The following DSE variants were observed in gnomAD, a reference collection of about 807,000 sequenced individuals.
DSE encodes the protein dermatan-sulfate epimerase.
In DSE, 36 loss-of-function variants were observed where a neutral mutation model predicts 84.4. The ratio of observed to expected loss-of-function variants is 0.43; its 90% CI spans 0.33 to 0.56. DSE has a LOEUF of 0.56. Among genes scored for constraint, DSE ranks in the 20% least tolerant of loss-of-function variants. DSE has a pLI of 0.06. For synonymous variants in DSE, 410 were observed against 430.1 expected (o/e 0.95, Z 0.58); for missense variants, 862 against 1,169.6 (o/e 0.74, Z 3.84).
chr6:116,392,261 T>A (rs1780957563), intron 1 of DSE, among the ~76,000 whole-genome samples: 1 of 152,172 alleles, frequency 6.6e-6, no homozygotes, highest in African/African-American at 2.4e-5. Context: ...AATGGAGGCC[T>A]GAAGGAGGAG....
intron 2 of DSE, among the ~76,000 whole-genome samples, chr6:116,425,176 GTATTAT>G (rs967032172): frequency 1.7e-4 from 26 of 152,238 alleles, no homozygotes; most frequent in African/African-American, 6.3e-4. Context: ...AAAAAAGCCT[GTATTAT>G]TATTTTTTAA....
At chr6:116,293,293 C>A (rs1389729851) in intron 2 of DSE, among the ~76,000 whole-genome samples, 4 of 119,518 alleles carry the variant, frequency 3.3e-5, no homozygotes, top group African/African-American at 1.4e-4. Context: ...TTTTTTTTGA[C>A]ACGGAGTCTT....
intron 1 of DSE, among the ~76,000 whole-genome samples, chr6:116,383,605 T>C (rs1780384056): frequency 6.6e-6 from 1 of 152,222 alleles, no homozygotes; most frequent in African/African-American, 2.4e-5. Flanking sequence ...CTCGGAGTTT[T>C]TAATTTTTTT....
intron 2 of DSE, chr6:116,280,353 T>A: frequency 5.1e-6 from 1 of 196,194 alleles, no homozygotes; most frequent in East Asian, 1.2e-4. Flanking sequence ...TTAGTAAAAG[T>A]GACATAAAAA....
chr6:116,279,872 C>A, intron 2 of DSE: 2 of 1,612,984 alleles, frequency 1.2e-6, no homozygotes, highest in Non-Finnish European at 1.7e-6. Flanking sequence ...CGCCCGTTTT[C>A]CTCAGAGGCC....
intron 2 of DSE, among the ~76,000 whole-genome samples, chr6:116,297,921 C>T (rs1774770389): frequency 6.6e-6 from 1 of 152,160 alleles, no homozygotes. Flanking sequence ...TAATGACTAA[C>T]CATCATGGTT....
At chr6:116,297,215 C>T (rs902117929) in intron 2 of DSE, among the ~76,000 whole-genome samples, 1 of 152,068 alleles carries the variant, frequency 6.6e-6, no homozygotes, top group Non-Finnish European at 1.5e-5. Flanking sequence ...TAGCCAAAGT[C>T]AACCCTAGGA....
chr6:116,441,959 G>A lies in DSE; in HGVS notation c.*4614G>A, dbSNP rs900092549. The stretch of plus-strand genomic sequence containing the variant: ...GGGAGCAAATAATAACAGTAATAGT[G>A]CAGGATGTCAAGTAGTGGTAAGTAC... On this transcript the variant is annotated 3_prime_UTR_variant, in exon 6 of 6. Transcript: ENST00000644252. 6.6e-6 allele frequency: 1 copy of A among 152,258 alleles called. No homozygotes were observed. The highest frequency in any genetic ancestry group is 6.5e-5 in the Admixed American group (1 of 15,274). 9.4% of individuals were successfully genotyped at this position (152,258 alleles called of 1,614,324 possible).
In DSE at chr6:116,273,007, A is replaced by G. The variant is rs186612634; in HGVS notation, c.-54+14040A>G. Among the ~76,000 whole-genome samples the G allele has an allele frequency of 5.6e-3, 853 of 152,332 alleles. 6 individuals are homozygous for G. Among genetic ancestry groups the G allele is most frequent in the Non-Finnish European group, 9.0e-3 (612 of 68,032 alleles). ...TTGTTATCTTCTCTGTAACCTTATAATGCAGTCTCCAAATGCATCCTAAAA... is the reference window on the plus strand; with the variant it reads ...TTGTTATCTTCTCTGTAACCTTATAGTGCAGTCTCCAAATGCATCCTAAAA... On this transcript the variant is annotated intron_variant, in intron 2 of 3. Coordinates refer to the DSE transcript ENST00000430252.
chr6:116,297,080 G>A (rs1350098703), intron 2 of DSE, among the ~76,000 whole-genome samples: 2 of 152,116 alleles, frequency 1.3e-5, no homozygotes, highest in Admixed American at 1.3e-4. Context: ...ATTTGGGTAG[G>A]CAAAGTATAG....
chr6:116,370,852 G>A, upstream of DSE: 1 of 985,618 alleles, frequency 1.0e-6, no homozygotes. Flanking sequence ...TGACGTTGCG[G>A]TTTCCTCCCC....
intron 2 of DSE, among the ~76,000 whole-genome samples, chr6:116,299,010 T>C (rs1412389519): frequency 6.6e-6 from 1 of 152,240 alleles, no homozygotes; most frequent in Non-Finnish European, 1.5e-5. Flanking sequence ...TTTCTAGCTA[T>C]TTGTGATTTT....
rs1329383652 is a variant in DSE, at chr6:116,399,589, T to C, written c.339T>C (p.Cys113=). 3.7e-6 allele frequency: 6 copies of C among 1,614,106 alleles called. No homozygotes were observed. Among genetic ancestry groups the C allele is most frequent in the Non-Finnish European group, 5.1e-6 (6 of 1,180,044 alleles). ...ACTTGGGTGCCTTGGCAATGTTCTG[T>C]GTGCTGTATCCTGAGAACATTGAAG... ...GNNLGALAMF[C]VLYPENIEAR... The change falls in exon 2 of 6, where the codon TGT becomes TGC. Residue 113 remains cysteine (C), a synonymous_variant. Transcript: ENST00000644252.
upstream of DSE, chr6:116,369,797 C>A: frequency 2.9e-6 from 2 of 701,058 alleles, no homozygotes; most frequent in Non-Finnish European, 4.3e-6. Context: ...CTGAGACATC[C>A]ACATTTTTTC....
intron 2 of DSE, chr6:116,278,302 C>G: frequency 3.4e-6 from 2 of 596,434 alleles, no homozygotes; most frequent in Non-Finnish European, 6.0e-6. Flanking sequence ...ATGTGATATT[C>G]CAGAACAGCA....
intron 2 of DSE, among the ~76,000 whole-genome samples, chr6:116,402,902 TG>T (rs1185191086): frequency 6.6e-6 from 1 of 152,214 alleles, no homozygotes; most frequent in African/African-American, 2.4e-5. Flanking sequence ...AATTTATTAA[TG>T]GGGTTCATTT....
At chr6:116,284,917 C>T (rs1773788425) in intron 2 of DSE, among the ~76,000 whole-genome samples, 2 of 152,098 alleles carry the variant, frequency 1.3e-5, no homozygotes, top group Admixed American at 1.3e-4. Flanking sequence ...TCCAGTCTAT[C>T]ATTGATGGAC....
rs140151149 is a variant in DSE at position 116,308,396 on chromosome 6, T to C, written c.-54+49429T>C. On this transcript the variant is annotated intron_variant, in intron 2 of 3. Transcript: ENST00000430252. ...AACTTGATGTGACCTTGTTTACTCTTAGATATTTTGATATGAGCTGTTTAG... is the reference window on the plus strand; with the variant it reads ...AACTTGATGTGACCTTGTTTACTCTCAGATATTTTGATATGAGCTGTTTAG... 7.9e-3 allele frequency among the ~76,000 whole-genome samples: 1,211 copies of C among 152,342 alleles called. 21 individuals carry two copies. Among genetic ancestry groups the C allele is most frequent in the South Asian group, 0.056 (272 of 4,826 alleles).
chr6:116,349,228 C>T (rs1269359437), intron 2 of DSE, among the ~76,000 whole-genome samples: 1 of 152,058 alleles, frequency 6.6e-6, no homozygotes, highest in Non-Finnish European at 1.5e-5. Context: ...CACCCATATA[C>T]ATACATACAC....
Sources: allele counts gnomAD v4.1 joint callset (sites outside exome capture counted in the v4.1 genomes callset), GRCh38; gene constraint gnomAD v4.1.1; transcripts MANE v1.5; gene names NCBI Gene and HGNC (gene_info 2026-07-23, HGNC 2026-07-21).